CHN2: variants seen among roughly 807,000 people sequenced by gnomAD.
CHN2 encodes the protein beta-chimaerin.
CHN2 carries 35 observed loss-of-function variants against 56.3 expected under a neutral mutation model. The observed-to-expected ratio is 0.62, with a 90% CI of 0.47 to 0.82. The LOEUF (loss-of-function observed/expected upper bound fraction) is 0.82. Among genes scored for constraint, CHN2 ranks in the 40% least tolerant of loss-of-function variants. The pLI is 0.00. For missense variants in CHN2, 491 were observed against 580.5 expected, an observed-to-expected ratio of 0.85 and a Z score of 1.58; for synonymous variants, 210 against 212.8, an observed-to-expected ratio of 0.99 and a Z score of 0.12.
intron 1 of CHN2, among the ~76,000 whole-genome samples, chr7:29,312,870 G>T (rs958489407): frequency 6.6e-6 from 1 of 152,016 alleles, no homozygotes; most frequent in Non-Finnish European, 1.5e-5. Context: ...TATACCACCA[G>T]AATATGCTAT....
intron 1 of CHN2, among the ~76,000 whole-genome samples, chr7:29,203,864 C>A (rs1784334023): frequency 6.6e-6 from 1 of 152,132 alleles, no homozygotes. Context: ...AAGTGAAGTT[C>A]TATAAAGAGG....
chr7:29,451,831 C>G (rs562404124), intron 6 of CHN2, among the ~76,000 whole-genome samples: 7 of 152,266 alleles, frequency 4.6e-5, no homozygotes, highest in Admixed American at 2.6e-4. Context: ...AAACCCAGAG[C>G]TTGTGTCTTC....
intron 7 of CHN2, among the ~76,000 whole-genome samples, chr7:29,481,263 G>A (rs1431517018): frequency 6.6e-6 from 1 of 152,166 alleles, no homozygotes; most frequent in East Asian, 1.9e-4. Flanking sequence ...GGCAGGAGAA[G>A]CAAAATGTGA....
intron 4 of CHN2, 39 bp from the exon 5 acceptor site, chr7:29,398,334 T>G (rs1472343689): frequency 7.0e-7 from 1 of 1,429,436 alleles, no homozygotes; most frequent in African/African-American, 1.4e-5. Flanking sequence ...TTATTCTGTA[T>G]GTGGTCTGTT....
chr7:29,415,419 TTC>T (rs1251835695), intron 6 of CHN2, among the ~76,000 whole-genome samples: 1 of 152,238 alleles, frequency 6.6e-6, no homozygotes, highest in Non-Finnish European at 1.5e-5. Context: ...GCTGGTACAT[TTC>T]TCTTTCTTTT....
intron 1 of CHN2, among the ~76,000 whole-genome samples, chr7:29,286,352 T>G (rs190401036): frequency 1.3e-5 from 2 of 151,876 alleles, no homozygotes; most frequent in Admixed American, 6.6e-5. Flanking sequence ...TGGGGTATCT[T>G]ATCATAAGAA....
exon 1 of CHN2, chr7:29,146,707 T>G: frequency 6.4e-7 from 1 of 1,550,644 alleles, no homozygotes. Context: ...GGGTGGAATC[T>G]TAAAAATTAA....
chr7:29,410,004 AGCGCCT>A lies in CHN2; in HGVS notation c.576+9179_576+9184del, dbSNP rs1803051668. 2.0e-5 allele frequency among the ~76,000 whole-genome samples: 3 copies of A among 152,320 alleles called. No individual in the cohort carries two copies. In the South Asian group the frequency reaches 6.2e-4, roughly 32 times the overall value. ...GCATTCTTCTGGACCTGACCCACCA[AGCGCCT>A]GCCCTGAGCACGACCTCAGAGCTCT... On this transcript the variant is annotated intron_variant, in intron 6 of 12. Coordinates refer to ENST00000222792, the MANE Select transcript of CHN2 (RefSeq NM_004067.4).
chr7:29,209,305 A>G (rs900089567), intron 1 of CHN2, among the ~76,000 whole-genome samples: 2 of 152,108 alleles, frequency 1.3e-5, no homozygotes, highest in African/African-American at 4.8e-5. Flanking sequence ...CCAACAAAAC[A>G]CTGAGAATTC....
intron 6 of CHN2, among the ~76,000 whole-genome samples, chr7:29,453,850 C>G (rs1784566266): frequency 6.6e-6 from 1 of 152,148 alleles, no homozygotes. Context: ...ACAGTTGATT[C>G]CTCTAGTCAG....
At chr7:29,259,468 GT>G (rs1034194975) in intron 1 of CHN2, among the ~76,000 whole-genome samples, 17 of 152,020 alleles carry the variant, frequency 1.1e-4, no homozygotes, top group African/African-American at 4.1e-4. Flanking sequence ...TGGGTGCTCC[GT>G]TTTGTGTAAA....
intron 6 of CHN2, among the ~76,000 whole-genome samples, chr7:29,449,721 A>G (rs1323086526): frequency 6.6e-6 from 1 of 152,234 alleles, no homozygotes; most frequent in Non-Finnish European, 1.5e-5. Context: ...GATTGACATT[A>G]TAGTGGTTGG....
chr7:29,256,095 T>G (rs1584884419), intron 1 of CHN2, among the ~76,000 whole-genome samples: 1 of 152,258 alleles, frequency 6.6e-6, no homozygotes, highest in Non-Finnish European at 1.5e-5. Flanking sequence ...GTTCATTTCA[T>G]GTAAACAATT....
At chr7:29,154,600 G>A (rs750895042) in intron 2 of CHN2, among the ~76,000 whole-genome samples, 2 of 152,144 alleles carry the variant, frequency 1.3e-5, no homozygotes, top group Non-Finnish European at 2.9e-5. Flanking sequence ...TTGGGAGGCC[G>A]AGGCAGGCAG....
chr7:29,472,281 ACACACACACACACACACG>A (rs34003198), intron 6 of CHN2, among the ~76,000 whole-genome samples: 1 of 143,502 alleles, frequency 7.0e-6, no homozygotes, highest in Non-Finnish European at 1.5e-5. Flanking sequence ...ATACACACAC[ACACACACACACACACACG>A]CACACACACA....
chr7:29,326,278 C>G (rs1386021330), intron 1 of CHN2, among the ~76,000 whole-genome samples: 5 of 152,178 alleles, frequency 3.3e-5, no homozygotes, highest in African/African-American at 1.2e-4. Context: ...CTGCCTCAGC[C>G]TCCCGAGTAG....
intron 1 of CHN2, among the ~76,000 whole-genome samples, chr7:29,218,903 T>A (rs1785554494): frequency 6.6e-6 from 1 of 151,474 alleles, no homozygotes; most frequent in Non-Finnish European, 1.5e-5. Flanking sequence ...TGTATACATA[T>A]GTAACAAACC....
At chr7:29,385,455 A>G (rs1003586650) in intron 3 of CHN2, among the ~76,000 whole-genome samples, 11 of 152,162 alleles carry the variant, frequency 7.2e-5, no homozygotes, top group Admixed American at 6.6e-4. Flanking sequence ...TCTACCCACT[A>G]GAGGCCAGGA....
chr7:29,319,835 C>G (rs1795212934), intron 1 of CHN2, among the ~76,000 whole-genome samples: 1 of 152,290 alleles, frequency 6.6e-6, no homozygotes, highest in Admixed American at 6.5e-5. Context: ...GCACCAAGCC[C>G]TTCGTCACAT....
Sources: gnomAD v4.1 joint callset for allele counts (sites outside exome capture counted in the v4.1 genomes callset) on GRCh38, gnomAD v4.1.1 for gene constraint, MANE v1.5 for transcripts, NCBI Gene and HGNC (gene_info 2026-07-23, HGNC 2026-07-21) for gene names.